SLC25A37: variants seen among roughly 807,000 people sequenced by gnomAD.
SLC25A37 encodes the protein solute carrier family 25 member 37.
In SLC25A37, 17 loss-of-function variants were observed where a neutral mutation model predicts 31.0. The ratio of observed to expected loss-of-function variants is 0.55; its 90% CI spans 0.38 to 0.82. SLC25A37 has a LOEUF of 0.82. Ranked by LOEUF, SLC25A37 falls within the 40% of genes least tolerant of loss-of-function variation. SLC25A37 has a pLI of 0.00. For synonymous variants in SLC25A37, 222 were observed against 193.0 expected, an observed-to-expected ratio of 1.15 and a Z score of -1.24; for missense variants, 404 against 465.8, an observed-to-expected ratio of 0.87 and a Z score of 1.22.
Position 23,529,979 on chromosome 8 carries a change from A to C in SLC25A37, c.210+767A>C, listed in dbSNP as rs142692181. Among the ~76,000 whole-genome samples, 245 of 152,122 alleles carry C rather than the reference A, an allele frequency of 1.6e-3. 1 individual carries two copies. The highest frequency in any genetic ancestry group is 5.6e-3 in the African/African-American group (234 of 41,496). ...CAGTTTCCTTTAAACCCTGTCTGTC[A>C]CTTGCCCCGGTAGTTTTAACTGCAT... is the stretch of plus-strand genomic sequence containing the variant. On this transcript the variant is annotated intron_variant, in intron 1 of 3. Coordinates refer to ENST00000519973, the MANE Select transcript of SLC25A37 (RefSeq NM_016612.4). This position sits in a 1 kb window ranked among gnomAD's most constrained non-coding sequence, Gnocchi z 4.1.
chr8:23,540,722 C>A (rs7826247), intron 1 of SLC25A37, among the ~76,000 whole-genome samples: 2 of 151,926 alleles, frequency 1.3e-5, no homozygotes, highest in Non-Finnish European at 2.9e-5. Context: ...GTATATAAGT[C>A]ACTTACTGGG....
chr8:23,559,362 TGCGCGCGCGC>T (rs201664347), intron 1 of SLC25A37, among the ~76,000 whole-genome samples: 1 of 151,272 alleles, frequency 6.6e-6, no homozygotes, highest in South Asian at 2.1e-4. Context: ...TGCGTGTGTG[TGCGCGCGCGC>T]GTGTGTGTGT....
At chr8:23,552,105 A>G (rs112080156) in intron 1 of SLC25A37, among the ~76,000 whole-genome samples, 1 of 152,320 alleles carries the variant, frequency 6.6e-6, no homozygotes, top group African/African-American at 2.4e-5. Flanking sequence ...GTAGAGAAAA[A>G]CACCCACACC....
intron 1 of SLC25A37, among the ~76,000 whole-genome samples, chr8:23,542,018 A>C (rs1020486104): frequency 3.3e-5 from 5 of 152,174 alleles, no homozygotes; most frequent in African/African-American, 1.2e-4. Context: ...CCCAAGGAAG[A>C]TTCACATGGT....
At chr8:23,552,808 C>T (rs113621749) in intron 1 of SLC25A37, among the ~76,000 whole-genome samples, 1,636 of 152,196 alleles carry the variant, frequency 0.011, 35 homozygotes, top group African/African-American at 0.035. Context: ...TGGGGGAGCC[C>T]GGGCAAGTCT....
At chr8:23,535,578 C>G (rs1801749106) in intron 1 of SLC25A37, among the ~76,000 whole-genome samples, 1 of 152,200 alleles carries the variant, frequency 6.6e-6, no homozygotes, top group African/African-American at 2.4e-5. Context: ...TACCTAACCT[C>G]TCTAAGCTCA....
At chr8:23,554,667 G>A (rs921206774) in intron 1 of SLC25A37, among the ~76,000 whole-genome samples, 6 of 152,270 alleles carry the variant, frequency 3.9e-5, no homozygotes, top group South Asian at 2.1e-4. Context: ...TCCTAGGGTC[G>A]GGGGATGTGG....
At chr8:23,537,195 C>CAAA (rs71550712) in intron 1 of SLC25A37, among the ~76,000 whole-genome samples, 20,887 of 116,810 alleles carry the variant, frequency 0.18, 2,319 homozygotes, top group East Asian at 0.31. Context: ...GACCCTGTCT[C>CAAA]AAAAAAAAAA....
At chr8:23,558,958 G>A (rs1802439110) in intron 1 of SLC25A37, among the ~76,000 whole-genome samples, 2 of 152,196 alleles carry the variant, frequency 1.3e-5, no homozygotes, top group Admixed American at 1.3e-4. Flanking sequence ...AGTTGCCAGA[G>A]GGGTCTTTCT....
intron 1 of SLC25A37, among the ~76,000 whole-genome samples, chr8:23,531,228 C>A (rs1051304335): frequency 1.3e-5 from 2 of 152,240 alleles, no homozygotes; most frequent in African/African-American, 4.8e-5. Context: ...GCACAGTTGT[C>A]TGCCAAGCAT....
At chr8:23,555,948 A>C (rs1355505239) in intron 1 of SLC25A37, among the ~76,000 whole-genome samples, 1 of 152,058 alleles carries the variant, frequency 6.6e-6, no homozygotes, top group Non-Finnish European at 1.5e-5. Context: ...CCAGGTCTCA[A>C]CTCTTCATTT....
At chr8:23,544,557 G>A (rs7015818) in intron 1 of SLC25A37, among the ~76,000 whole-genome samples, 42,626 of 152,092 alleles carry the variant, frequency 0.28, 6,866 homozygotes, top group African/African-American at 0.44. Flanking sequence ...ATTCCTTTCA[G>A]GAGTGATGAG....
At chr8:23,535,508 A>G (rs757941613) in intron 1 of SLC25A37, among the ~76,000 whole-genome samples, 1 of 152,188 alleles carries the variant, frequency 6.6e-6, no homozygotes, top group Non-Finnish European at 1.5e-5. Flanking sequence ...CAGAGAAGGG[A>G]GATGTATACA....
intron 1 of SLC25A37, among the ~76,000 whole-genome samples, chr8:23,565,591 A>G (rs936220608): frequency 2.6e-5 from 4 of 152,350 alleles, no homozygotes; most frequent in Admixed American, 1.3e-4. Flanking sequence ...TGAGGGCTGG[A>G]GGATTTGGAG....
chr8:23,553,620 A>G (rs1236526948), intron 1 of SLC25A37, among the ~76,000 whole-genome samples: 1 of 152,210 alleles, frequency 6.6e-6, no homozygotes, highest in African/African-American at 2.4e-5. Context: ...GGAATATTTC[A>G]GCCTTAGCCT....
intron 1 of SLC25A37, among the ~76,000 whole-genome samples, chr8:23,561,482 A>T (rs531445317): frequency 4.7e-4 from 71 of 152,322 alleles, no homozygotes; most frequent in African/African-American, 1.4e-3. Context: ...AGCCTGTGCC[A>T]AGTGTTTCCC....
intron 1 of SLC25A37, among the ~76,000 whole-genome samples, chr8:23,534,777 A>G (rs1275272382): frequency 6.6e-6 from 1 of 152,216 alleles, no homozygotes; most frequent in Non-Finnish European, 1.5e-5. Context: ...AGGAGGGTTA[A>G]GCCCTCGCTG....
intron 1 of SLC25A37, among the ~76,000 whole-genome samples, chr8:23,545,000 G>A (rs1801997752): frequency 1.3e-5 from 2 of 152,230 alleles, no homozygotes; most frequent in Admixed American, 1.3e-4. Context: ...AGGCATTTCT[G>A]CTCATCGTTG....
intron 1 of SLC25A37, among the ~76,000 whole-genome samples, chr8:23,562,238 A>G (rs1802535245): frequency 6.6e-6 from 1 of 152,322 alleles, no homozygotes; most frequent in Admixed American, 6.5e-5. Flanking sequence ...TCACAGGCCC[A>G]TGTTAGGCCC....
Sources: allele counts gnomAD v4.1 joint callset (sites outside exome capture counted in the v4.1 genomes callset), GRCh38; gene constraint gnomAD v4.1.1; non-coding constraint Gnocchi (gnomAD v3.1); transcripts MANE v1.5; gene names NCBI Gene and HGNC (gene_info 2026-07-23, HGNC 2026-07-21).